MUSK: variants seen among roughly 807,000 people sequenced by gnomAD.
MUSK encodes muscle, skeletal receptor tyrosine-protein kinase.
In MUSK, 55 loss-of-function variants were observed where a neutral mutation model predicts 88.7. The ratio of observed to expected loss-of-function variants is 0.62; its 90% CI spans 0.50 to 0.78. The LOEUF (loss-of-function observed/expected upper bound fraction) is 0.78, where lower values mean the gene tolerates loss of function less well. MUSK is among the 30% of genes least tolerant of loss of function. MUSK has a pLI of 0.00. For missense variants in MUSK, 1,015 were observed against 1,074.3 expected (o/e 0.94, Z 0.77); for synonymous variants, 387 against 391.9 (o/e 0.99, Z 0.15).
At chr9:110,750,387 G>A (rs1414319274) in intron 7 of MUSK, among the ~76,000 whole-genome samples, 2 of 152,090 alleles carry the variant, frequency 1.3e-5, no homozygotes, top group African/African-American at 4.8e-5. Flanking sequence ...AGTGAAGTCT[G>A]CAGCTGAACT....
At chr9:110,800,226 T>A (rs1286130594) in intron 14 of MUSK, 80 bp from the exon 15 acceptor site, 1 of 1,260,754 alleles carries the variant, frequency 7.9e-7, no homozygotes. Flanking sequence ...TGTTCTGACA[T>A]GGTCGTTTGC....
In MUSK at chr9:110,746,208, A is replaced by C. The variant is rs367796579; in HGVS notation, c.754-1433A>C. 5.3e-5 allele frequency among the ~76,000 whole-genome samples: 8 copies of C among 152,278 alleles called. No homozygotes were observed. In the East Asian group the frequency reaches 1.5e-3, roughly 29 times the overall value. On this transcript the variant is annotated intron_variant, in intron 6 of 14. Transcript: ENST00000374448. ...CTGTCATTTCACTCCAGTTTCCCTC[A>C]ATTGGCATCATGTTTCCCTGATATA... is the stretch of plus-strand genomic sequence containing the variant.
At chr9:110,728,736 G>A (rs772106988) in intron 5 of MUSK, 14 of 1,563,512 alleles carry the variant, frequency 9.0e-6, no homozygotes, top group Non-Finnish European at 1.2e-5. Context: ...TTTTCTTTCT[G>A]CATGGCTTCT....
intron 7 of MUSK, among the ~76,000 whole-genome samples, chr9:110,755,945 T>C (rs1475041587): frequency 2.6e-4 from 19 of 73,208 alleles, no homozygotes; most frequent in South Asian, 8.7e-4. Flanking sequence ...TATATATATA[T>C]ATATACACAT....
intron 1 of MUSK, among the ~76,000 whole-genome samples, chr9:110,681,903 C>A (rs950818157): frequency 7.2e-5 from 11 of 151,854 alleles, no homozygotes; most frequent in African/African-American, 2.7e-4. Context: ...ACTGAAGGGA[C>A]CATATAATTT....
chr9:110,773,937 T>C (rs1454569962), intron 9 of MUSK, among the ~76,000 whole-genome samples: 2 of 152,198 alleles, frequency 1.3e-5, no homozygotes, highest in Non-Finnish European at 2.9e-5. Context: ...GATAGATTTA[T>C]TCTCATTGTT....
At chr9:110,772,934 G>A (rs369855287) in intron 9 of MUSK, among the ~76,000 whole-genome samples, 20 of 152,096 alleles carry the variant, frequency 1.3e-4, no homozygotes, top group Non-Finnish European at 2.7e-4. Context: ...TTTTAAAAGC[G>A]TGCTATCACT....
At chr9:110,741,677 A>T (rs892671865) in intron 6 of MUSK, among the ~76,000 whole-genome samples, 3 of 152,168 alleles carry the variant, frequency 2.0e-5, no homozygotes, top group Admixed American at 6.6e-5. Flanking sequence ...ACTTGAACAA[A>T]ATCATTTTTT....
intron 5 of MUSK, among the ~76,000 whole-genome samples, chr9:110,699,125 T>G (rs2076470062): frequency 6.6e-6 from 1 of 152,172 alleles, no homozygotes; most frequent in African/African-American, 2.4e-5. Context: ...TTAGTTGGAG[T>G]TATTATACAG....
chr9:110,733,217 T>C (rs554394572), intron 5 of MUSK, among the ~76,000 whole-genome samples: 8 of 152,142 alleles, frequency 5.3e-5, no homozygotes, highest in Non-Finnish European at 1.0e-4. Flanking sequence ...GATTCCGTAA[T>C]AGTTTAAACA....
chr9:110,800,604 C>T lies in MUSK; in HGVS notation c.2226C>T (p.Ala742=), dbSNP rs760338360. 4.3e-6 allele frequency: 7 copies of T among 1,613,468 alleles called. No individual in the cohort carries two copies. Among genetic ancestry groups the T allele is most frequent in the South Asian group, 3.3e-5 (3 of 91,050 alleles). The change falls in exon 15 of 15, where the codon GCC becomes GCT. Residue 742 remains alanine (A), a synonymous_variant. Transcript: ENST00000374448. ...GCGAGAACATGGTGGTGAAAATTGCCGACTTTGGCCTCTCCAGGAACATCT... is the reference window on the plus strand; with the variant it reads ...GCGAGAACATGGTGGTGAAAATTGCTGACTTTGGCCTCTCCAGGAACATCT... The part of the protein sequence containing the change: ...LVGENMVVKI[A]DFGLSRNIYS...
chr9:110,701,461 T>G (rs1409867441), intron 5 of MUSK, among the ~76,000 whole-genome samples: 1 of 152,026 alleles, frequency 6.6e-6, no homozygotes, highest in African/African-American at 2.4e-5. Context: ...TCTCTTTCTT[T>G]TCTTTTCTTT....
chr9:110,776,716 G>C, intron 11 of MUSK, 61 bp downstream of exon 11: 1 of 1,381,826 alleles, frequency 7.2e-7, no homozygotes, highest in Non-Finnish European at 1.0e-6. Context: ...TCATGCATGT[G>C]TGTTTACACT....
At chr9:110,728,881 G>A (rs1178934920) in intron 5 of MUSK, among the ~76,000 whole-genome samples, 2 of 151,880 alleles carry the variant, frequency 1.3e-5, no homozygotes, top group Admixed American at 6.6e-5. Context: ...TATTAGATAG[G>A]CTTCTTTATT....
intron 5 of MUSK, among the ~76,000 whole-genome samples, chr9:110,717,466 T>A (rs1467183728): frequency 1.3e-5 from 2 of 150,000 alleles, no homozygotes; most frequent in African/African-American, 2.5e-5. Flanking sequence ...TTCCTTGGCA[T>A]TATCCAAAAT....
At chr9:110,747,843 G>A (rs2077195499) in intron 7 of MUSK, 43 bp downstream of exon 7, 1 of 1,591,346 alleles carries the variant, frequency 6.3e-7, no homozygotes, top group Non-Finnish European at 8.6e-7. Context: ...GGAGAGGGGA[G>A]AGTTGATACT....
At chr9:110,715,677 TA>T (rs898067584) in intron 5 of MUSK, among the ~76,000 whole-genome samples, 1 of 148,264 alleles carries the variant, frequency 6.7e-6, no homozygotes, top group Non-Finnish European at 1.5e-5. Context: ...GCCATTTCAT[TA>T]AATTGCAGCA....
At position 110,681,735 on chromosome 9, in the gene MUSK, A is replaced by T. The variant is rs533241808; in HGVS notation, c.80-939A>T. On this transcript the variant is annotated intron_variant, in intron 1 of 14. Transcript: ENST00000374448. The stretch of plus-strand genomic sequence containing the variant: ...TTGCCTTTGACTTTACCAAAAAATA[A>T]TAATAATAATAAGGTTTATTCAGAA... 2.0e-5 allele frequency among the ~76,000 whole-genome samples: 3 copies of T among 152,188 alleles called. No individual in the cohort carries two copies. In the East Asian group the frequency reaches 5.8e-4, roughly 29 times the overall value.
At chr9:110,749,873 G>A (rs17785544) in intron 7 of MUSK, among the ~76,000 whole-genome samples, 14,473 of 152,096 alleles carry the variant, frequency 0.095, 734 homozygotes, top group Middle Eastern at 0.15. Context: ...TAAACACAAA[G>A]CATATGAACA....
Sources: gnomAD v4.1 joint callset for allele counts (sites outside exome capture counted in the v4.1 genomes callset) on GRCh38, gnomAD v4.1.1 for gene constraint, MANE v1.5 for transcripts, NCBI Gene and HGNC (gene_info 2026-07-23, HGNC 2026-07-21) for gene names.